PFKFB3: variants seen among roughly 807,000 people sequenced by gnomAD.
The protein encoded by PFKFB3 is 6-phosphofructo-2-kinase/fructose-2,6-biphosphatase 3.
Under a neutral mutation model 68.0 loss-of-function variants are expected in PFKFB3, and 33 were observed. The observed-to-expected ratio is 0.49, with a 90% confidence interval of 0.37 to 0.65. PFKFB3 has a LOEUF of 0.65. PFKFB3 is among the 30% of genes least tolerant of loss of function. The pLI is 0.00. For missense variants in PFKFB3, 586 were observed against 712.2 expected, an observed-to-expected ratio of 0.82 and a Z score of 2.02; for synonymous variants, 315 against 288.2, an observed-to-expected ratio of 1.09 and a Z score of -0.94.
the PFKFB3 span, chr10:6,293,201 C>G: frequency 2.1e-6 from 1 of 470,624 alleles, no homozygotes; most frequent in Non-Finnish European, 4.3e-6. Flanking sequence ...AATAGTAACT[C>G]GAGTCCCAGA....
At chr10:6,259,484 A>T (rs577210757), downstream of PFKFB3, among the ~76,000 whole-genome samples, 1 of 149,702 alleles carries the variant, frequency 6.7e-6, no homozygotes, top group African/African-American at 2.5e-5. Flanking sequence ...TCATTCATCC[A>T]TCCATTTGTT....
chr10:6,223,492 G>A (rs1054591022), intron 11 of PFKFB3, among the ~76,000 whole-genome samples: 4 of 152,324 alleles, frequency 2.6e-5, no homozygotes, highest in Admixed American at 2.0e-4. Flanking sequence ...TTGGGCTAAA[G>A]TCTTCTTCTG....
chr10:6,249,139 A>C (rs1234965644), intron 14 of PFKFB3, among the ~76,000 whole-genome samples: 1 of 145,608 alleles, frequency 6.9e-6, no homozygotes, highest in African/African-American at 2.6e-5. Context: ...GCGCCATTGC[A>C]CTCCAGCCTA....
chr10:6,232,835 A>G, intron 14 of PFKFB3, 60 bp from the exon 15 acceptor site: 1 of 1,328,342 alleles, frequency 7.5e-7, no homozygotes, highest in South Asian at 1.2e-5. Context: ...CTTCTGCTTT[A>G]GAATTCAGCC....
the PFKFB3 span, among the ~76,000 whole-genome samples, chr10:6,313,432 G>A: frequency 6.6e-6 from 1 of 152,200 alleles, no homozygotes. The surrounding 1 kb of genome is among the most constrained non-coding windows in gnomAD (Gnocchi z 4.2). Context: ...CTGGGTGCTG[G>A]TTGCTCAGTG....
intron 1 of PFKFB3, among the ~76,000 whole-genome samples, chr10:6,146,880 A>G (rs1412309319): frequency 6.6e-6 from 1 of 152,264 alleles, no homozygotes; most frequent in African/African-American, 2.4e-5. Flanking sequence ...ACCTTGCTGC[A>G]TGAAGAGGAA....
At chr10:6,179,370 G>A (rs1842637886) in intron 1 of PFKFB3, among the ~76,000 whole-genome samples, 1 of 152,164 alleles carries the variant, frequency 6.6e-6, no homozygotes, top group Non-Finnish European at 1.5e-5. Context: ...TCCAAATAAG[G>A]GATCATCCAA....
intron 1 of PFKFB3, among the ~76,000 whole-genome samples, chr10:6,158,765 A>C (rs1841882777): frequency 6.6e-6 from 1 of 151,846 alleles, no homozygotes; most frequent in Non-Finnish European, 1.5e-5. Flanking sequence ...TACTCCAGAG[A>C]CTGAGGCAAG....
chr10:6,237,145 C>G (rs1490595161), downstream of PFKFB3, among the ~76,000 whole-genome samples: 1 of 152,258 alleles, frequency 6.6e-6, no homozygotes, highest in East Asian at 1.9e-4. Context: ...CCCGACACTT[C>G]CTCCCCATCC....
At chr10:6,226,097 C>T in intron 13 of PFKFB3, 95 bp from the exon 14 acceptor site, 1 of 1,172,934 alleles carries the variant, frequency 8.5e-7, no homozygotes. Flanking sequence ...TTTTGCCTCT[C>T]TAAAATCCAG....
At chr10:6,191,057 C>A (rs996643081) in intron 1 of PFKFB3, among the ~76,000 whole-genome samples, 3 of 152,140 alleles carry the variant, frequency 2.0e-5, no homozygotes, top group Non-Finnish European at 2.9e-5. Context: ...GCTGGGATTA[C>A]AAGGGTGAGC....
the PFKFB3 span, among the ~76,000 whole-genome samples, chr10:6,306,516 C>A: frequency 6.6e-6 from 1 of 152,160 alleles, no homozygotes; most frequent in Non-Finnish European, 1.5e-5. Context: ...GGGCTCAGAT[C>A]AACAAGTAGC....
the PFKFB3 span, among the ~76,000 whole-genome samples, chr10:6,277,120 G>T: frequency 1.3e-5 from 2 of 152,216 alleles, no homozygotes; most frequent in Non-Finnish European, 2.9e-5. Context: ...CTGTGTCCCC[G>T]CCCAGATCTC....
chr10:6,256,340 G>A (rs564172249), downstream of PFKFB3, among the ~76,000 whole-genome samples: 36 of 152,298 alleles, frequency 2.4e-4, no homozygotes, highest in African/African-American at 8.2e-4. Flanking sequence ...CTTGGGGGGT[G>A]TAGGTAACTG....
At chr10:6,145,152 A>G (rs11256972) in intron 1 of PFKFB3, 184,010 of 579,774 alleles carry the variant, frequency 0.32, 30,298 homozygotes, top group East Asian at 0.37. Context: ...GCCCGGGGCC[A>G]AGCGAGACGC....
At chr10:6,185,729 T>A (rs1842851937) in intron 1 of PFKFB3, among the ~76,000 whole-genome samples, 1 of 149,592 alleles carries the variant, frequency 6.7e-6, no homozygotes, top group Non-Finnish European at 1.5e-5. Flanking sequence ...AACCTCTGCC[T>A]CCTGGGTTCA....
In PFKFB3 at chr10:6,179,947, G is replaced by A. The variant is rs565820364; in HGVS notation, c.17-33676G>A. 3.5e-4 allele frequency among the ~76,000 whole-genome samples: 53 copies of A among 152,242 alleles called. No homozygotes were observed. In the Middle Eastern group the frequency reaches 0.014, roughly 39 times the overall value. Reference sequence around the variant, plus strand: ...AGACCAGGAGCATCCACTGACAAACGCCCGGTGAGGTCGATCCTGGTGACA... The same window carrying A: ...AGACCAGGAGCATCCACTGACAAACACCCGGTGAGGTCGATCCTGGTGACA... On this transcript the variant is annotated intron_variant, in intron 1 of 14. Transcript: ENST00000379789.
the PFKFB3 span, among the ~76,000 whole-genome samples, chr10:6,260,323 A>C: frequency 5.3e-5 from 8 of 150,608 alleles, no homozygotes; most frequent in African/African-American, 1.7e-4. Flanking sequence ...CTGAGGCAGG[A>C]GAATGGCATG....
the PFKFB3 span, among the ~76,000 whole-genome samples, chr10:6,316,788 A>C: frequency 7.2e-5 from 11 of 152,180 alleles, no homozygotes; most frequent in African/African-American, 2.2e-4. Context: ...ATAGAGTGGG[A>C]GTGGCATCTT....
Sources: gnomAD v4.1 joint callset for allele counts (sites outside exome capture counted in the v4.1 genomes callset) on GRCh38, gnomAD v4.1.1 for gene constraint, Gnocchi (gnomAD v3.1) non-coding constraint, MANE v1.5 for transcripts, NCBI Gene and HGNC (gene_info 2026-07-23, HGNC 2026-07-21) for gene names.